The following CEACAM8 variants were observed in gnomAD, a reference collection of about 807,000 sequenced individuals.
The protein encoded by CEACAM8 is CEA cell adhesion molecule 8.
CEACAM8 carries 31 observed loss-of-function variants against 33.4 expected under a neutral mutation model. The observed-to-expected ratio is 0.93, with a 90% CI of 0.70 to 1.25. The LOEUF (loss-of-function observed/expected upper bound fraction) is 1.25. Ranked by LOEUF, CEACAM8 falls within the 50% of genes most tolerant of loss-of-function variation. The probability of loss-of-function intolerance (pLI) is 0.00; values close to 1 mark genes in which losing one functional copy is unlikely to be tolerated. For missense variants in CEACAM8, 388 were observed against 434.6 expected (o/e 0.89, Z 0.95); for synonymous variants, 138 against 164.5 (o/e 0.84, Z 1.23).
intron 2 of CEACAM8, among the ~76,000 whole-genome samples, chr19:42,592,597 C>CAAAAAAAAAAAAA (rs922130468): frequency 4.8e-5 from 2 of 41,850 alleles, no homozygotes; most frequent in Admixed American, 2.4e-4. Context: ...GACTCCGTCT[C>CAAAAAAAAAAAAA]AAAAAAAAAA....
At chr19:42,594,699 C>G (rs2042514035) in intron 1 of CEACAM8, 66 bp downstream of exon 1, 1 of 1,351,686 alleles carries the variant, frequency 7.4e-7, no homozygotes, top group Non-Finnish European at 1.1e-6. Flanking sequence ...CCCGTCCTCC[C>G]CAGGAGACCC....
chr19:42,592,597 C>CAAAAA (rs922130468), intron 2 of CEACAM8, among the ~76,000 whole-genome samples: 8 of 41,838 alleles, frequency 1.9e-4, no homozygotes, highest in African/African-American at 2.6e-4. Flanking sequence ...GACTCCGTCT[C>CAAAAA]AAAAAAAAAA....
intron 5 of CEACAM8, among the ~76,000 whole-genome samples, chr19:42,581,860 A>G (rs1439032521): frequency 3.1e-5 from 4 of 127,370 alleles, no homozygotes; most frequent in African/African-American, 1.2e-4. Flanking sequence ...ACTGCACTCC[A>G]GCCTGGCGAC....
chr19:42,588,730 G>A, intron 4 of CEACAM8, 54 bp downstream of exon 4: 2 of 1,596,488 alleles, frequency 1.3e-6, no homozygotes, highest in Admixed American at 1.7e-5. Flanking sequence ...ATCTCTGAAA[G>A]CCAGATAGAC....
At chr19:42,591,049 A>G (rs2042429597) in intron 2 of CEACAM8, among the ~76,000 whole-genome samples, 5 of 152,224 alleles carry the variant, frequency 3.3e-5, no homozygotes. Context: ...GTTAGTGGCC[A>G]AAAAATGTGG....
chr19:42,594,780 C>T lies in CEACAM8; in HGVS notation c.49G>A (p.Gly17Arg), dbSNP rs192438450. ...PSCRWRIPWQ[G>R]LLLTASLFTF... ...CTCTCCTCACCTGTGAGCAGGAGCC[C>T]CTGCCAGGGGATGCGCCATCTGCAG... Residue 17 changes from glycine (G) to arginine (R), a missense_variant, in exon 1 of 6, where the codon GGG (glycine) becomes AGG (arginine). By Grantham distance (125) the Gly-to-Arg change is moderately radical. Transcript: ENST00000244336. 3.7e-6 allele frequency: 6 copies of T among 1,610,946 alleles called. No homozygotes were observed. In the African/African-American group the frequency reaches 6.7e-5, roughly 18 times the overall value.
chr19:42,589,200 G>C (rs1174345006), intron 3 of CEACAM8, among the ~76,000 whole-genome samples, 162 bp from the exon 4 acceptor site: 12 of 152,194 alleles, frequency 7.9e-5, no homozygotes, highest in Admixed American at 7.9e-4. Flanking sequence ...GACAGAGTCC[G>C]AGACATTTAC....
chr19:42,588,937 A>G lies in CEACAM8; in HGVS notation c.805T>C (p.Tyr269His). ...AATGTGCCATTGACAGACCAAGAAT[A>G]CTGTGAGGGTGGATTAGAGGCCGCA... ...CHAASNPPSQ[Y>H]SWSVNGTFQQ... The change falls in exon 4 of 6, where the codon TAT becomes CAT. Residue 269 changes from tyrosine (Y) to histidine (H), a missense_variant. Coordinates refer to ENST00000244336, the MANE Select transcript of CEACAM8 (RefSeq NM_001816.4). The G allele has an allele frequency of 6.2e-7, 1 of 1,614,166 alleles. No homozygotes were observed. Among genetic ancestry groups the G allele is most frequent in the Non-Finnish European group, 8.5e-7 (1 of 1,180,022 alleles).
rs199506812 is a variant in CEACAM8, at chr19:42,593,568, C to G, written c.397G>C (p.Glu133Gln). Residue 133 changes from glutamate (E) to glutamine (Q), a missense_variant, in exon 2 of 6, where the codon GAA becomes CAA. Physicochemically the swap from Glu to Gln is conservative, Grantham distance 29. Transcript: ENST00000244336. ...QVIKLNLMSE[E>Q]VTGQFSVHPE... ...TGTACGCTGAACTGGCCAGTTACTT[C>G]TTCACTCATAAGATTTAGCTTTATG... is the stretch of plus-strand genomic sequence containing the variant. 7 of 1,582,740 alleles carry G rather than the reference C, an allele frequency of 4.4e-6. No individual in the cohort carries two copies. Among genetic ancestry groups the G allele is most frequent in the Non-Finnish European group, 6.0e-6 (7 of 1,162,820 alleles).
At chr19:42,591,862 G>A (rs920830487) in intron 2 of CEACAM8, among the ~76,000 whole-genome samples, 3 of 152,198 alleles carry the variant, frequency 2.0e-5, no homozygotes, top group Non-Finnish European at 4.4e-5. Context: ...TGTGTCACAT[G>A]TTGGGCCTGT....
At chr19:42,583,097 CA>C in intron 5 of CEACAM8, 108 bp downstream of exon 5, 1 of 645,364 alleles carries the variant, frequency 1.5e-6, no homozygotes, top group African/African-American at 1.8e-5. Flanking sequence ...TGCTGAGAAG[CA>C]GGAGTTTATT....
chr19:42,582,565 G>T (rs191956825), intron 5 of CEACAM8, among the ~76,000 whole-genome samples: 1 of 152,230 alleles, frequency 6.6e-6, no homozygotes, highest in African/African-American at 2.4e-5. Flanking sequence ...TGAAGGGTAT[G>T]TGGGCAACTC....
At position 42,593,735 on chromosome 19, in the gene CEACAM8, CG is replaced by C; in HGVS notation, c.229del (p.Arg77ValfsTer4). The C allele has an allele frequency of 6.2e-7, 1 of 1,614,018 alleles. No homozygotes were observed. The highest frequency in any genetic ancestry group is 8.5e-7 in the Non-Finnish European group (1 of 1,179,998). ...TGATATTACATATCCTATAATTCGA[CG>C]GTTGGCATCCACTGTTTCCCCTTTG... ...WYKGETVDAN[R>X]RIIGYVISNQ... On this transcript the variant is annotated frameshift_variant, in exon 2 of 6. Coordinates refer to ENST00000244336, the MANE Select transcript of CEACAM8 (RefSeq NM_001816.4). LOFTEE classifies it high-confidence loss of function.
intron 2 of CEACAM8, among the ~76,000 whole-genome samples, chr19:42,590,294 T>C (rs2042413493): frequency 6.6e-6 from 1 of 152,096 alleles, no homozygotes; most frequent in Non-Finnish European, 1.5e-5. Flanking sequence ...AGCCACAAGG[T>C]GGGGCAGTTT....
chr19:42,589,278 T>G (rs1283226157), intron 3 of CEACAM8, among the ~76,000 whole-genome samples, 179 bp downstream of exon 3: 1 of 152,192 alleles, frequency 6.6e-6, no homozygotes, highest in East Asian at 1.9e-4. Context: ...CCCCTCTTAT[T>G]CTTGGTCAAG....
Position 42,589,623 on chromosome 19 carries a change from C to T in CEACAM8, c.537G>A (p.Trp179Ter), listed in dbSNP as rs754123108. 2.5e-6 allele frequency: 4 copies of T among 1,614,062 alleles called. No individual in the cohort carries two copies. The highest frequency in any genetic ancestry group is 3.3e-5 in the Admixed American group (2 of 59,998). Reference sequence around the variant, plus strand: ...TGACCGGGAGACTCTGACCATTTACCCACCACAGGTAGGTTGTGTTCTGAG... The same window carrying T: ...TGACCGGGAGACTCTGACCATTTACTCACCACAGGTAGGTTGTGTTCTGAG... ...PETQNTTYLWWVNGQSLPVSP... is the reference protein window; with the variant it reads ...PETQNTTYLW Residue 179 changes from tryptophan to a stop codon, truncating the protein, a stop_gained, in exon 3 of 6, where the codon TGG becomes TGA. Transcript: ENST00000244336. LOFTEE classifies it high-confidence loss of function.
chr19:42,589,188 G>A (rs1600296300), intron 3 of CEACAM8, 150 bp from the exon 4 acceptor site: 1 of 1,062,528 alleles, frequency 9.4e-7, no homozygotes, highest in East Asian at 2.5e-5. Flanking sequence ...TGTTTCTACT[G>A]AGACAGAGTC....
intron 2 of CEACAM8, 104 bp downstream of exon 2, chr19:42,593,437 G>C: frequency 7.1e-7 from 1 of 1,406,054 alleles, no homozygotes; most frequent in Non-Finnish European, 9.6e-7. Context: ...CCTAAAGTGG[G>C]ATGTAATGCA....
chr19:42,586,757 C>G (rs1327679012), intron 4 of CEACAM8, among the ~76,000 whole-genome samples: 1 of 152,142 alleles, frequency 6.6e-6, no homozygotes, highest in East Asian at 1.9e-4. Flanking sequence ...AAATCAATAA[C>G]TTTTATATAT....
Sources: gnomAD v4.1 joint callset for allele counts (sites outside exome capture counted in the v4.1 genomes callset) on GRCh38, gnomAD v4.1.1 for gene constraint, MANE v1.5 for transcripts, NCBI Gene and HGNC (gene_info 2026-07-23, HGNC 2026-07-21) for gene names.